The following CTSS variants were observed in gnomAD, a reference collection of about 807,000 sequenced individuals.
CTSS encodes the protein cathepsin S.
CTSS carries 15 observed loss-of-function variants against 39.9 expected under a neutral mutation model. The observed-to-expected ratio is 0.38, with a 90% confidence interval of 0.25 to 0.58. The LOEUF (loss-of-function observed/expected upper bound fraction) is 0.58, where lower values mean the gene tolerates loss of function less well. CTSS is among the 20% of genes least tolerant of loss of function. CTSS has a pLI of 0.70. For synonymous variants in CTSS, 126 were observed against 138.2 expected, an observed-to-expected ratio of 0.91 and a Z score of 0.62; for missense variants, 250 against 398.2, an observed-to-expected ratio of 0.63 and a Z score of 3.17.
In CTSS at chr1:150,760,249, C is replaced by T. The variant is rs188453034; in HGVS notation, c.127-2269G>A. 7.6e-4 allele frequency among the ~76,000 whole-genome samples: 116 copies of T among 152,224 alleles called. 1 individual carries two copies. The Middle Eastern group carries it at 0.031, about 40-fold the overall frequency. On this transcript the variant is annotated intron_variant, in intron 2 of 7. Transcript: ENST00000368985. Reference sequence around the variant, plus strand: ...TGAGGGTGAAATTCATCACCACCAACGAAACCGTATGATCATTTAAATAGA... The same window carrying T: ...TGAGGGTGAAATTCATCACCACCAATGAAACCGTATGATCATTTAAATAGA...
At chr1:150,741,652 T>C (rs1350211999) in intron 7 of CTSS, among the ~76,000 whole-genome samples, 1 of 152,184 alleles carries the variant, frequency 6.6e-6, no homozygotes, top group Non-Finnish European at 1.5e-5. Flanking sequence ...GACAGGCAGA[T>C]CACCCAAGAT....
chr1:150,733,070 G>C lies in CTSS; in HGVS notation c.972C>G (p.Ser324Arg). ...RNKGNHCGIASFPSYPEI is the reference protein window; with the variant it reads ...RNKGNHCGIARFPSYPEI ...TCTAGATTTCTGGGTAAGAGGGAAA[G>C]CTAGCAATCCCACAATGATTTCCTT... Residue 324 changes from serine to arginine, a missense_variant, in exon 8 of 8, where the codon AGC becomes AGG. By Grantham distance (110) the Ser-to-Arg change is moderately radical. Coordinates refer to ENST00000368985, the MANE Select transcript of CTSS (RefSeq NM_004079.5). 6.2e-7 allele frequency: 1 copy of C among 1,613,008 alleles called. No individual in the cohort carries two copies. Among genetic ancestry groups the C allele is most frequent in the Non-Finnish European group, 8.5e-7 (1 of 1,179,208 alleles).
At chr1:150,764,609 C>T (rs747069060) in intron 2 of CTSS, 29 bp downstream of exon 2, 2 of 1,613,292 alleles carry the variant, frequency 1.2e-6, no homozygotes, top group East Asian at 2.2e-5. Flanking sequence ...CCTTTAAAAG[C>T]ATATCGCTCG....
intron 7 of CTSS, among the ~76,000 whole-genome samples, chr1:150,745,837 A>G (rs1045989804): frequency 6.6e-6 from 1 of 152,128 alleles, no homozygotes; most frequent in Non-Finnish European, 1.5e-5. Context: ...TTTTAATTAA[A>G]AGAACATATT....
chr1:150,765,333 T>G (rs1214087135), intron 1 of CTSS, among the ~76,000 whole-genome samples: 1 of 151,942 alleles, frequency 6.6e-6, no homozygotes, highest in African/African-American at 2.4e-5. Context: ...ATGAGGCAAT[T>G]AACTACTCTT....
chr1:150,756,870 C>T (rs1301243743), intron 3 of CTSS, among the ~76,000 whole-genome samples: 1 of 152,050 alleles, frequency 6.6e-6, no homozygotes, highest in Non-Finnish European at 1.5e-5. Context: ...GCATGTGCCA[C>T]CACGCCCAGC....
At chr1:150,734,914 G>T (rs190213046) in intron 7 of CTSS, among the ~76,000 whole-genome samples, 1 of 152,238 alleles carries the variant, frequency 6.6e-6, no homozygotes, top group African/African-American at 2.4e-5. Flanking sequence ...ATAGTGGTAG[G>T]TATATAAATA....
At chr1:150,739,151 C>T (rs1652695242) in intron 7 of CTSS, among the ~76,000 whole-genome samples, 1 of 152,152 alleles carries the variant, frequency 6.6e-6, no homozygotes, top group Admixed American at 6.5e-5. Context: ...GCCAAGATTG[C>T]ACCACTGTAC....
At chr1:150,752,103 C>T in intron 4 of CTSS, 95 bp from the exon 5 acceptor site, 1 of 1,258,860 alleles carries the variant, frequency 7.9e-7, no homozygotes. Flanking sequence ...TACATCAGTT[C>T]TGTCCCTAGT....
At chr1:150,750,235 T>C in intron 5 of CTSS, 64 bp from the exon 6 acceptor site, 2 of 1,294,150 alleles carry the variant, frequency 1.5e-6, no homozygotes, top group Non-Finnish European at 1.1e-6. Context: ...ACCTGTATCC[T>C]AAGCCTGGAT....
intron 7 of CTSS, among the ~76,000 whole-genome samples, chr1:150,740,187 T>C (rs894812586): frequency 1.3e-5 from 2 of 152,172 alleles, no homozygotes; most frequent in Admixed American, 1.3e-4. Context: ...TGGGGCATGG[T>C]TTGCACAAAT....
intron 3 of CTSS, among the ~76,000 whole-genome samples, chr1:150,755,472 G>C (rs1343538114): frequency 6.6e-6 from 1 of 152,176 alleles, no homozygotes; most frequent in Non-Finnish European, 1.5e-5. Context: ...GGGCATGGTG[G>C]CTCACGCCTG....
Position 150,757,962 on chromosome 1 carries a change from G to T in CTSS, c.145C>A (p.Arg49Ser). ...TTTAGATTCTTTTCCCAGATGAGAC[G>T]TCGTACTGCTTCTTCATTCTAAAAC... The part of the protein sequence containing the change: ...YKEKNEEAVR[R>S]LIWEKNLKFV... Residue 49 changes from arginine to serine, a missense_variant, in exon 3 of 8, where the codon CGT becomes AGT. Physicochemically the swap from Arg to Ser is moderately radical, Grantham distance 110 (BLOSUM62 -1). Coordinates refer to ENST00000368985, the MANE Select transcript of CTSS (RefSeq NM_004079.5). The T allele has an allele frequency of 6.2e-7, 1 of 1,613,670 alleles. No individual in the cohort carries two copies. The highest frequency in any genetic ancestry group is 1.3e-5 in the African/African-American group (1 of 74,950).
chr1:150,740,489 C>T (rs983839120), intron 7 of CTSS, among the ~76,000 whole-genome samples: 1 of 152,094 alleles, frequency 6.6e-6, no homozygotes, highest in Admixed American at 6.6e-5. Context: ...CTCCCAGGTT[C>T]ATGCCATCCT....
At chr1:150,757,795 G>T in intron 3 of CTSS, 63 bp downstream of exon 3, 1 of 1,553,786 alleles carries the variant, frequency 6.4e-7, no homozygotes, top group Non-Finnish European at 8.8e-7. Flanking sequence ...TTGCTTTTGG[G>T]GAGACAGAAA....
At position 150,754,179 on chromosome 1, in the gene CTSS, T is replaced by A. The variant is rs587766321; in HGVS notation, c.399+822A>T. 2.0e-5 allele frequency among the ~76,000 whole-genome samples: 3 copies of A among 147,546 alleles called. No homozygotes were observed. The South Asian group carries it at 6.8e-4, about 33-fold the overall frequency. ...CCCAGGCTGGAGTGCAGTGGCAAGA[T>A]CTCAGCTCACTGCAACCTCTGCCTC... On this transcript the variant is annotated intron_variant, in intron 4 of 7. Coordinates refer to ENST00000368985, the MANE Select transcript of CTSS (RefSeq NM_004079.5).
At chr1:150,754,111 C>CTTTT (rs751446609) in intron 4 of CTSS, among the ~76,000 whole-genome samples, 7 of 128,264 alleles carry the variant, frequency 5.5e-5, no homozygotes, top group Non-Finnish European at 3.2e-5. Context: ...CTCCTATACA[C>CTTTT]TTTTTTTTTT....
In CTSS at chr1:150,751,918, C is replaced by T. The variant is rs771480266; in HGVS notation, c.490G>A (p.Ala164Thr). The T allele has an allele frequency of 6.2e-6, 10 of 1,614,226 alleles. No individual in the cohort carries two copies. The highest frequency in any genetic ancestry group is 7.6e-6 in the Non-Finnish European group (9 of 1,180,048). ...LKTGKLVSLSAQNLVDCSTEK... is the reference protein window; with the variant it reads ...LKTGKLVSLSTQNLVDCSTEK... ...GTTGAGCAATCCACCAGGTTCTGGG[C>T]ACTGAGAGACACCAGCTTTCCTGTT... Residue 164 changes from alanine (A) to threonine (T), a missense_variant, in exon 5 of 8, where the codon GCC (alanine) becomes ACC (threonine). By Grantham distance (58) the Ala-to-Thr change is moderately conservative. Transcript: ENST00000368985.
At chr1:150,749,587 G>T (rs916195554) in intron 6 of CTSS, among the ~76,000 whole-genome samples, 6 of 7,512 alleles carry the variant, frequency 8.0e-4, no homozygotes, top group African/African-American at 1.5e-3. Context: ...GCCCCGCCCC[G>T]CCCCGCCCCA....
Sources: allele counts gnomAD v4.1 joint callset (sites outside exome capture counted in the v4.1 genomes callset), GRCh38; gene constraint gnomAD v4.1.1; transcripts MANE v1.5; gene names NCBI Gene and HGNC (gene_info 2026-07-23, HGNC 2026-07-21).